Variants in CRHR1 observed in about 807,000 individuals in gnomAD.
CRHR1 encodes corticotropin-releasing hormone receptor 1.
A neutral mutation model predicts 56.0 loss-of-function variants in CRHR1; 28 were observed. The observed-to-expected ratio is 0.50, with a 90% CI of 0.37 to 0.69. The LOEUF (loss-of-function observed/expected upper bound fraction) is 0.69. CRHR1 is among the 30% of genes least tolerant of loss of function. The pLI, the probability that CRHR1 is intolerant of heterozygous loss-of-function variation, is 0.00. For missense variants in CRHR1, 376 were observed against 548.0 expected (o/e 0.69, Z 3.13); for synonymous variants, 195 against 216.5 (o/e 0.90, Z 0.87).
intron 1 of CRHR1, among the ~76,000 whole-genome samples, chr17:45,803,150 G>C (rs1316621796): frequency 6.6e-6 from 1 of 152,108 alleles, no homozygotes; most frequent in Non-Finnish European, 1.5e-5. Context: ...CAGGGGTGGG[G>C]GGTGGCACAG....
chr17:45,816,208 C>G (rs1356003854), intron 2 of CRHR1, among the ~76,000 whole-genome samples: 1 of 152,226 alleles, frequency 6.6e-6, no homozygotes, highest in Non-Finnish European at 1.5e-5. Context: ...CCACCTCCAG[C>G]CATCTCTCTT....
intron 10 of CRHR1, 21 bp from the exon 11 acceptor site, chr17:45,833,693 T>TGGGGGGGGGGCCCC: frequency 3.8e-6 from 6 of 1,571,594 alleles, no homozygotes; most frequent in Non-Finnish European, 5.2e-6. Flanking sequence ...ACTCCGAGCC[T>TGGGGGGGGGGCCCC]CCCCACCCGC....
intron 1 of CRHR1, chr17:45,800,021 C>G (rs962776189): frequency 1.3e-5 from 2 of 153,486 alleles, no homozygotes; most frequent in Non-Finnish European, 2.9e-5. Context: ...TCACCTCCTC[C>G]AGGAAGCCTG....
At chr17:45,814,598 G>A (rs1229568378) in intron 2 of CRHR1, among the ~76,000 whole-genome samples, 1 of 152,138 alleles carries the variant, frequency 6.6e-6, no homozygotes, top group Admixed American at 6.5e-5. Context: ...GCCTCTATAC[G>A]ATCCTCCCCT....
chr17:45,831,582 A>C (rs1315651797), intron 8 of CRHR1, among the ~76,000 whole-genome samples: 1 of 152,176 alleles, frequency 6.6e-6, no homozygotes, highest in African/African-American at 2.4e-5. Context: ...AATGCTTGGA[A>C]AAGTACCAAT....
rs149144271 is a variant in CRHR1, at chr17:45,816,449, G to T, written c.122-14G>T. On this transcript the variant is annotated splice_polypyrimidine_tract_variant and intron_variant, in intron 2 of 12. Coordinates refer to ENST00000314537, the MANE Select transcript of CRHR1 (RefSeq NM_004382.5). ...GATATCTTGCTGTGCCTTACCAGCC[G>T]TCTCTGCCCCCAGGACTGCAGTGCA... 1.2e-6 allele frequency: 2 copies of T among 1,613,718 alleles called. No homozygotes were observed. Among genetic ancestry groups the T allele is most frequent in the Non-Finnish European group, 1.7e-6 (2 of 1,179,928 alleles).
intron 2 of CRHR1, among the ~76,000 whole-genome samples, chr17:45,809,931 C>A (rs528667865): frequency 6.6e-6 from 1 of 152,300 alleles, no homozygotes; most frequent in Non-Finnish European, 1.5e-5. Flanking sequence ...TCTGAGTTGA[C>A]AATTACCTGG....
intron 4 of CRHR1, among the ~76,000 whole-genome samples, chr17:45,822,589 T>C (rs539941150): frequency 3.9e-5 from 6 of 152,370 alleles, no homozygotes; most frequent in Admixed American, 3.9e-4. Context: ...ATCTTGAGGT[T>C]CCCAGACTTG....
At chr17:45,832,069 C>CAAAA (rs1555657429) in intron 8 of CRHR1, among the ~76,000 whole-genome samples, 2 of 150,646 alleles carry the variant, frequency 1.3e-5, no homozygotes, top group African/African-American at 2.4e-5. Context: ...AAAAAAAAAA[C>CAAAA]AAAAAAACAA....
At chr17:45,833,622 C>A in intron 10 of CRHR1, 85 bp downstream of exon 10, 1 of 1,593,190 alleles carries the variant, frequency 6.3e-7, no homozygotes, top group Non-Finnish European at 8.6e-7. Flanking sequence ...CCTGCCACTC[C>A]CTCCCCCGAC....
At chr17:45,828,695 G>T (rs1245391381) in intron 4 of CRHR1, among the ~76,000 whole-genome samples, 1 of 152,230 alleles carries the variant, frequency 6.6e-6, no homozygotes, top group Non-Finnish European at 1.5e-5. Context: ...GGATGCCAGA[G>T]CCCAGCAGCT....
At chr17:45,786,116 T>TAACG (rs1225275318) in intron 1 of CRHR1, among the ~76,000 whole-genome samples, 1 of 92,886 alleles carries the variant, frequency 1.1e-5, no homozygotes, top group Non-Finnish European at 2.1e-5. Context: ...GAACTGCGGG[T>TAACG]GTTTTCTTTT....
Position 45,833,693 on chromosome 17 carries a change from TCCCCA to T in CRHR1, c.930-17_930-13del. ...CTGGGGTGGGCTGTGACTCCGAGCC[TCCCCA>T]CCCGCCCCACCCCAGGAAGGCTGTG... On this transcript the variant is annotated splice_polypyrimidine_tract_variant and intron_variant, in intron 10 of 12. Transcript: ENST00000314537. The T allele has an allele frequency of 1.3e-6, 2 of 1,571,608 alleles. No individual in the cohort carries two copies. Among genetic ancestry groups the T allele is most frequent in the Non-Finnish European group, 1.7e-6 (2 of 1,149,916 alleles).
chr17:45,787,338 C>T (rs1378497488), intron 1 of CRHR1, among the ~76,000 whole-genome samples: 3 of 152,094 alleles, frequency 2.0e-5, no homozygotes, highest in East Asian at 1.9e-4. Flanking sequence ...TGCATCTCCT[C>T]GTAGGGAGAT....
intron 2 of CRHR1, among the ~76,000 whole-genome samples, chr17:45,810,766 T>A (rs981588777): frequency 2.0e-5 from 3 of 152,146 alleles, no homozygotes; most frequent in Non-Finnish European, 4.4e-5. Flanking sequence ...TCCTGATGGA[T>A]CACACACCCT....
chr17:45,803,757 C>CGT (rs553066030), intron 1 of CRHR1, among the ~76,000 whole-genome samples: 13,011 of 129,518 alleles, frequency 0.1, 645 homozygotes, highest in Middle Eastern at 0.14. Context: ...AGAGAGAGTG[C>CGT]GTGTGTGTGT....
intron 2 of CRHR1, among the ~76,000 whole-genome samples, chr17:45,810,590 G>A (rs760712463): frequency 2.0e-5 from 3 of 152,118 alleles, no homozygotes; most frequent in Non-Finnish European, 4.4e-5. Flanking sequence ...GTAGTCAGCC[G>A]TCTAGGGGTG....
chr17:45,816,335 T>C (rs528748967), intron 2 of CRHR1, 128 bp from the exon 3 acceptor site: 421 of 1,288,048 alleles, frequency 3.3e-4, no homozygotes, highest in Middle Eastern at 2.2e-3. Context: ...GTCATTGTTG[T>C]CATCCTGTCC....
At chr17:45,797,133 C>T (rs1373154262) in intron 1 of CRHR1, among the ~76,000 whole-genome samples, 1 of 152,112 alleles carries the variant, frequency 6.6e-6, no homozygotes, top group Admixed American at 6.5e-5. Context: ...GGGGTACATG[C>T]CCTGAGTGGG....
Sources: gnomAD v4.1 joint callset for allele counts (sites outside exome capture counted in the v4.1 genomes callset) on GRCh38, gnomAD v4.1.1 for gene constraint, MANE v1.5 for transcripts, NCBI Gene and HGNC (gene_info 2026-07-23, HGNC 2026-07-21) for gene names.